The following PRKG1 variants were observed in gnomAD, a reference collection of about 807,000 sequenced individuals.
The protein encoded by PRKG1 is cGMP-dependent protein kinase 1.
PRKG1 carries 35 observed loss-of-function variants against 88.1 expected under a neutral mutation model. The observed-to-expected ratio is 0.40, with a 90% CI of 0.30 to 0.53. The LOEUF (loss-of-function observed/expected upper bound fraction) is 0.53, where lower values mean the gene tolerates loss of function less well. Among genes scored for constraint, PRKG1 ranks in the 20% least tolerant of loss-of-function variants. The pLI is 0.59. For missense variants in PRKG1, 540 were observed against 839.8 expected (o/e 0.64, Z 4.41); for synonymous variants, 303 against 292.5 (o/e 1.04, Z -0.37).
intron 1 of PRKG1, among the ~76,000 whole-genome samples, chr10:51,054,789 T>C (rs1253574003): frequency 6.6e-6 from 1 of 152,214 alleles, no homozygotes; most frequent in Admixed American, 6.5e-5. Context: ...TATGATTATA[T>C]GACCTTGGGC....
Position 51,717,745 on chromosome 10 carries a change from T to TG in PRKG1, c.593-86838dup, listed in dbSNP as rs533268859. On this transcript the variant is annotated intron_variant, in intron 3 of 17. Transcript: ENST00000373980. ...TATTCAGGAGGCTGAGGCTGGAGAATGGCGTGAACCCGGGAGGCGGAGCTT... is the reference window on the plus strand; with the variant it reads ...TATTCAGGAGGCTGAGGCTGGAGAATGGGCGTGAACCCGGGAGGCGGAGCTT... Among the ~76,000 whole-genome samples, 203 of 150,732 alleles carry TG rather than the reference T, an allele frequency of 1.3e-3. 1 individual carries two copies. The highest frequency in any genetic ancestry group is 2.3e-3 in the Non-Finnish European group (158 of 67,840).
chr10:51,448,922 T>C (rs983847148), intron 2 of PRKG1, among the ~76,000 whole-genome samples: 16 of 152,222 alleles, frequency 1.1e-4, no homozygotes, highest in African/African-American at 3.8e-4. Context: ...ATATTTTGTT[T>C]ATTTTGATGT....
intron 4 of PRKG1, among the ~76,000 whole-genome samples, chr10:51,820,848 C>G (rs577239981): frequency 6.6e-5 from 10 of 152,224 alleles, no homozygotes; most frequent in Admixed American, 5.2e-4. Flanking sequence ...ATAACTCTTA[C>G]AGTATTTTTT....
rs569879575 is a variant in PRKG1, at chr10:51,813,689, C to A, written c.698+8999C>A. ...TACTGCCTCAATAAATTCTGGATAC[C>A]CAAATATTAGTCCCTGCACATTGCT... On this transcript the variant is annotated intron_variant, in intron 4 of 17. Transcript: ENST00000373980. Among the ~76,000 whole-genome samples, 32 of 152,120 alleles carry A rather than the reference C, an allele frequency of 2.1e-4. No homozygotes were observed. In the South Asian group the frequency reaches 6.2e-3, roughly 30 times the overall value.
In PRKG1 at chr10:52,280,840, A is replaced by C. The variant is rs1285153595; in HGVS notation, c.1455A>C (p.Glu485Asp). 3.7e-6 allele frequency: 6 copies of C among 1,613,206 alleles called. No homozygotes were observed. In the Admixed American group the frequency reaches 1.0e-4, roughly 27 times the overall value. Residue 485 changes from glutamate to aspartate, a missense_variant, in exon 13 of 18, where the codon GAA becomes GAC. Coordinates refer to ENST00000373980, the MANE Select transcript of PRKG1 (RefSeq NM_006258.4). ...GATTTTACACAGCATGTGTGGTAGA[A>C]GCTTTTGCCTATCTGCATTCCAAAG... is the stretch of plus-strand genomic sequence containing the variant. Reference protein sequence around the residue: ...TTRFYTACVVEAFAYLHSKGI... With the variant: ...TTRFYTACVVDAFAYLHSKGI...
At chr10:51,489,572 C>A (rs904047531) in intron 3 of PRKG1, among the ~76,000 whole-genome samples, 5 of 152,138 alleles carry the variant, frequency 3.3e-5, no homozygotes, top group African/African-American at 9.7e-5. Context: ...GTTGGAAAAC[C>A]ACTGTTCTAG....
chr10:51,222,400 G>C (rs1252764911), intron 2 of PRKG1, among the ~76,000 whole-genome samples: 2 of 152,028 alleles, frequency 1.3e-5, no homozygotes, highest in South Asian at 2.1e-4. Context: ...GCTCATCTTG[G>C]TGGTTTAATT....
chr10:51,557,625 G>A (rs572335825), intron 3 of PRKG1, among the ~76,000 whole-genome samples: 8 of 152,096 alleles, frequency 5.3e-5, no homozygotes, highest in Admixed American at 1.3e-4. Context: ...GATGATGAAC[G>A]TACTATAACT....
chr10:51,447,621 T>TTTTTCTCTGAGTC (rs2308138), intron 2 of PRKG1, among the ~76,000 whole-genome samples: 64,377 of 151,680 alleles, frequency 0.42, 16,074 homozygotes, highest in African/African-American at 0.69. Flanking sequence ...ACCATTTCCA[T>TTTTTCTCTGAGTC]TTCTCTCCAC....
intron 9 of PRKG1, among the ~76,000 whole-genome samples, chr10:52,220,816 G>A (rs1002122972): frequency 2.0e-5 from 3 of 151,978 alleles, no homozygotes; most frequent in Admixed American, 6.6e-5. Context: ...CCAGTATACC[G>A]TTGATGGGCA....
chr10:52,160,966 A>G (rs1011867250), intron 8 of PRKG1, among the ~76,000 whole-genome samples: 2 of 152,188 alleles, frequency 1.3e-5, no homozygotes, highest in Middle Eastern at 3.4e-3. Context: ...CTGGCATATG[A>G]GTACCATGTA....
intron 9 of PRKG1, among the ~76,000 whole-genome samples, chr10:52,219,238 A>G (rs1840186309): frequency 6.6e-6 from 1 of 152,224 alleles, no homozygotes; most frequent in Non-Finnish European, 1.5e-5. Flanking sequence ...GAGAATTAGA[A>G]AAGTCATAGG....
At chr10:52,111,331 C>G (rs1034185313) in intron 7 of PRKG1, among the ~76,000 whole-genome samples, 15 of 152,180 alleles carry the variant, frequency 9.9e-5, no homozygotes, top group African/African-American at 3.4e-4. Context: ...AAAATGTCAG[C>G]TATTATACTA....
chr10:51,037,820 T>C, intron 1 of PRKG1, among the ~76,000 whole-genome samples: 1 of 152,054 alleles, frequency 6.6e-6, no homozygotes. Flanking sequence ...AGGCCACAAG[T>C]ATTTCATAAT....
At chr10:52,026,007 A>G (rs1328412004) in intron 5 of PRKG1, among the ~76,000 whole-genome samples, 16 of 151,892 alleles carry the variant, frequency 1.1e-4, no homozygotes. Flanking sequence ...CCTCAGAAAT[A>G]ATGCCACACA....
intron 1 of PRKG1, among the ~76,000 whole-genome samples, chr10:51,029,246 A>G (rs1843246915): frequency 6.6e-6 from 1 of 152,196 alleles, no homozygotes. Flanking sequence ...CTGCACCAAC[A>G]TTCATCACTC....
intron 2 of PRKG1, among the ~76,000 whole-genome samples, chr10:51,369,034 A>G (rs1174078146): frequency 6.6e-6 from 1 of 152,144 alleles, no homozygotes; most frequent in East Asian, 1.9e-4. Flanking sequence ...AGTCTCTATG[A>G]TTCTAAAAGT....
chr10:52,139,340 C>G (rs1837511950), intron 8 of PRKG1, among the ~76,000 whole-genome samples: 1 of 152,148 alleles, frequency 6.6e-6, no homozygotes, highest in Non-Finnish European at 1.5e-5. Context: ...CATGTAGCCT[C>G]TGTTTAGAAC....
intron 9 of PRKG1, among the ~76,000 whole-genome samples, chr10:52,187,407 T>TA (rs543205745): frequency 1.2e-4 from 18 of 150,182 alleles, no homozygotes; most frequent in East Asian, 7.8e-4. Flanking sequence ...AGATTTTAGG[T>TA]AAAAAAAAAA....
Sources: gnomAD v4.1 joint callset for allele counts (sites outside exome capture counted in the v4.1 genomes callset) on GRCh38, gnomAD v4.1.1 for gene constraint, MANE v1.5 for transcripts, NCBI Gene and HGNC (gene_info 2026-07-23, HGNC 2026-07-21) for gene names.